The following INSR variants were observed in gnomAD, a reference collection of about 807,000 sequenced individuals.
The protein encoded by INSR is insulin receptor.
INSR carries 67 observed loss-of-function variants against 142.6 expected under a neutral mutation model. The observed-to-expected ratio is 0.47, with a 90% CI of 0.39 to 0.58. The LOEUF is 0.58. Ranked by LOEUF, INSR falls within the 20% of genes least tolerant of loss-of-function variation. INSR has a pLI of 0.00. For missense variants in INSR, 1,248 were observed against 1,833.2 expected, an observed-to-expected ratio of 0.68 and a Z score of 5.83; for synonymous variants, 756 against 743.1, an observed-to-expected ratio of 1.02 and a Z score of -0.28.
Position 7,150,752 on chromosome 19 carries a change from C to G in INSR, c.2232-220G>C, listed in dbSNP as rs1973316133. ...GGGAAGAAATCAGAGAAAATTCTCCCCAGAGACGGCCTGCTGAGGTGGCCC... is the reference window on the plus strand; with the variant it reads ...GGGAAGAAATCAGAGAAAATTCTCCGCAGAGACGGCCTGCTGAGGTGGCCC... On this transcript the variant is annotated intron_variant, in intron 10 of 21. Transcript: ENST00000302850. The surrounding 1 kb of genome is among the most constrained non-coding windows in gnomAD (Gnocchi z 4.2). 6.6e-6 allele frequency among the ~76,000 whole-genome samples: 1 copy of G among 152,152 alleles called. No homozygotes were observed. Among genetic ancestry groups the G allele is most frequent in the African/African-American group, 2.4e-5 (1 of 41,446 alleles).
chr19:7,223,545 C>T (rs1975685747), intron 2 of INSR, among the ~76,000 whole-genome samples: 1 of 152,126 alleles, frequency 6.6e-6, no homozygotes, highest in Non-Finnish European at 1.5e-5. Flanking sequence ...CCCTAGTGAC[C>T]CAATTTTGGC....
chr19:7,171,184 C>T (rs983536307), intron 5 of INSR, among the ~76,000 whole-genome samples: 1 of 151,792 alleles, frequency 6.6e-6, no homozygotes. Flanking sequence ...AACATGTGGC[C>T]ATCCTTAATA....
chr19:7,176,568 C>G (rs1974139388), intron 3 of INSR, among the ~76,000 whole-genome samples: 1 of 152,068 alleles, frequency 6.6e-6, no homozygotes, highest in African/African-American at 2.4e-5. Flanking sequence ...GCCACTGCAG[C>G]CCAGCCTGGG....
At chr19:7,237,380 G>A (rs1976193558) in intron 2 of INSR, among the ~76,000 whole-genome samples, 4 of 151,832 alleles carry the variant, frequency 2.6e-5, no homozygotes, top group Admixed American at 2.6e-4. Flanking sequence ...AGCCGGGCGT[G>A]GTGGCAGGCA....
chr19:7,274,451 G>A (rs778034431), intron 1 of INSR, among the ~76,000 whole-genome samples: 8 of 151,282 alleles, frequency 5.3e-5, no homozygotes, highest in Non-Finnish European at 1.2e-4. Flanking sequence ...GAGATGTGGT[G>A]TGTGCTTTAC....
intron 10 of INSR, among the ~76,000 whole-genome samples, chr19:7,151,639 C>T (rs1973363850): frequency 6.6e-6 from 1 of 151,446 alleles, no homozygotes. Flanking sequence ...CTTGGCTGTC[C>T]CCCTGAACAT....
intron 2 of INSR, among the ~76,000 whole-genome samples, chr19:7,227,717 A>G (rs762948666): frequency 1.3e-5 from 2 of 152,170 alleles, no homozygotes; most frequent in Non-Finnish European, 2.9e-5. Context: ...TGCAAGTTAC[A>G]AAACATGTTC....
At chr19:7,273,197 G>A (rs1245768287) in intron 1 of INSR, among the ~76,000 whole-genome samples, 1 of 152,200 alleles carries the variant, frequency 6.6e-6, no homozygotes, top group Non-Finnish European at 1.5e-5. Flanking sequence ...AGCTATAATT[G>A]TAGGGAACAA....
chr19:7,125,264 C>T lies in INSR; in HGVS notation c.3258+19G>A. 4.3e-6 allele frequency: 7 copies of T among 1,613,744 alleles called. No individual in the cohort carries two copies. The South Asian group carries it at 7.7e-5, about 18-fold the overall frequency. ...AGGGTCAGGAAAGCCAGCCCATGTC[C>T]CACCCCCACTGGACTCACCACGTGA... On this transcript the variant is annotated intron_variant, in intron 17 of 21. Coordinates refer to ENST00000302850, the MANE Select transcript of INSR (RefSeq NM_000208.4). This position sits in a 1 kb window ranked among gnomAD's most constrained non-coding sequence, Gnocchi z 4.9.
At chr19:7,201,952 C>A (rs935414204) in intron 2 of INSR, among the ~76,000 whole-genome samples, 1 of 152,080 alleles carries the variant, frequency 6.6e-6, no homozygotes, top group Admixed American at 6.6e-5. Flanking sequence ...TGAGCCACCG[C>A]GCTAGGCCTT....
In INSR at chr19:7,150,618, G is replaced by T. The variant is rs935523253; in HGVS notation, c.2232-86C>A. ...GCTCTGACACTTGGAGGCCACATGT[G>T]TCCGAGTAAGGGCACCCTGGCTTTG... On this transcript the variant is annotated intron_variant, in intron 10 of 21. Coordinates refer to ENST00000302850, the MANE Select transcript of INSR (RefSeq NM_000208.4). This position sits in a 1 kb window ranked among gnomAD's most constrained non-coding sequence, Gnocchi z 4.2. The T allele has an allele frequency of 2.3e-6, 3 of 1,320,000 alleles. No homozygotes were observed. In the South Asian group the frequency reaches 3.6e-5, roughly 16 times the overall value. The allele number at this position is 1,320,000 out of a possible 1,614,324, so 81.8% of individuals were successfully genotyped here. A position where few individuals can be genotyped will look rare whatever the true frequency, so the allele number is the denominator to read the frequency against.
intron 4 of INSR, among the ~76,000 whole-genome samples, chr19:7,173,767 G>A (rs939934354): frequency 6.6e-6 from 1 of 151,494 alleles, no homozygotes; most frequent in Middle Eastern, 3.2e-3. Context: ...TTACAGGCAC[G>A]CACCACCAAG....
rs946727691 is a variant in INSR, at chr19:7,209,077, T to C, written c.653-24440A>G. On this transcript the variant is annotated intron_variant, in intron 2 of 21. Transcript: ENST00000302850. ...CAGGAGGCTGAGGCATGGGAACTGC[T>C]TGAACCCAGGAGGCAGAGGTTGCAG... Among the ~76,000 whole-genome samples the C allele has an allele frequency of 8.5e-5, 13 of 152,242 alleles. No homozygotes were observed. The South Asian group carries it at 1.2e-3, about 15-fold the overall frequency.
In INSR at chr19:7,216,349, C is replaced by T. The variant is rs1975432700; in HGVS notation, c.653-31712G>A. On this transcript the variant is annotated intron_variant, in intron 2 of 21. Coordinates refer to ENST00000302850, the MANE Select transcript of INSR (RefSeq NM_000208.4). The surrounding 1 kb of genome is among the most constrained non-coding windows in gnomAD (Gnocchi z 4.2). Reference sequence around the variant, plus strand: ...AAAGACAAAAAGAAGATGGATGTAACTGACTGTGCCTCTGAAATCCTAAAC... The same window carrying T: ...AAAGACAAAAAGAAGATGGATGTAATTGACTGTGCCTCTGAAATCCTAAAC... 6.6e-6 allele frequency among the ~76,000 whole-genome samples: 1 copy of T among 152,154 alleles called. No homozygotes were observed. Among genetic ancestry groups the T allele is most frequent in the Non-Finnish European group, 1.5e-5 (1 of 68,014 alleles).
intron 1 of INSR, among the ~76,000 whole-genome samples, chr19:7,280,704 C>T (rs551379402): frequency 2.7e-5 from 4 of 147,930 alleles, no homozygotes; most frequent in South Asian, 2.1e-4. Flanking sequence ...GCAACAAGAG[C>T]GAAACTCCAT....
chr19:7,138,965 T>A (rs1242074640), intron 13 of INSR, among the ~76,000 whole-genome samples: 1 of 152,208 alleles, frequency 6.6e-6, no homozygotes, highest in Non-Finnish European at 1.5e-5. Flanking sequence ...CTCACTGAGA[T>A]ACTCAGAGGA....
intron 2 of INSR, among the ~76,000 whole-genome samples, chr19:7,210,709 A>G (rs1016385129): frequency 6.6e-6 from 1 of 152,068 alleles, no homozygotes; most frequent in African/African-American, 2.4e-5. Flanking sequence ...ATATATATGT[A>G]TATATGGAGA....
chr19:7,232,910 A>G (rs1016131023), intron 2 of INSR, among the ~76,000 whole-genome samples: 2 of 152,228 alleles, frequency 1.3e-5, no homozygotes, highest in Non-Finnish European at 2.9e-5. Context: ...GCTAGCAACA[A>G]TGTAACTACC....
chr19:7,249,880 T>A (rs1031961121), intron 2 of INSR, among the ~76,000 whole-genome samples: 9 of 151,932 alleles, frequency 5.9e-5, no homozygotes, highest in East Asian at 1.9e-4. Flanking sequence ...TAGTCCCAGC[T>A]ACTCAGGAGG....
Sources: gnomAD v4.1 joint callset for allele counts (sites outside exome capture counted in the v4.1 genomes callset) on GRCh38, gnomAD v4.1.1 for gene constraint, Gnocchi (gnomAD v3.1) non-coding constraint, MANE v1.5 for transcripts, NCBI Gene and HGNC (gene_info 2026-07-23, HGNC 2026-07-21) for gene names.